SNAPC4: variants seen among roughly 807,000 people sequenced by gnomAD.
SNAPC4 encodes snRNA-activating protein complex subunit 4.
Under a neutral mutation model 151.3 loss-of-function variants are expected in SNAPC4, and 127 were observed. The observed-to-expected ratio is 0.84, with a 90% CI of 0.73 to 0.97. The LOEUF is 0.97. Among genes scored for constraint, SNAPC4 ranks in the 50% least tolerant of loss-of-function variants. SNAPC4 has a pLI of 0.00. For missense variants in SNAPC4, 2,186 were observed against 1,935.0 expected (o/e 1.13, Z -2.43); for synonymous variants, 1,002 against 824.4 (o/e 1.22, Z -3.69).
rs1229828983 is a variant in SNAPC4, at chr9:136,378,375, T to C, written c.3452A>G (p.Asp1151Gly). Residue 1151 changes from aspartate (D) to glycine (G), a missense_variant, in exon 22 of 24, where the codon GAC (aspartate) becomes GGC (glycine). Coordinates refer to ENST00000684778, the MANE Select transcript of SNAPC4 (RefSeq NM_003086.4). ...NREPEPSCRT[D>G]TPAPPTHALS... ...GGCGTGTGTGGGAGGAGCTGGGGTG[T>C]CTGTCCTGCAGGAAGGCTCCGGTTC... 7 of 1,611,212 alleles carry C rather than the reference T, an allele frequency of 4.3e-6. No individual in the cohort carries two copies. Among genetic ancestry groups the C allele is most frequent in the African/African-American group, 2.7e-5 (2 of 74,900 alleles).
Position 136,383,372 on chromosome 9 carries a change from G to A in SNAPC4, c.1797C>T (p.Ser599=), listed in dbSNP as rs1312193896. 3 of 1,601,548 alleles carry A rather than the reference G, an allele frequency of 1.9e-6. No homozygotes were observed. Among genetic ancestry groups the A allele is most frequent in the South Asian group, 1.1e-5 (1 of 89,754 alleles). The stretch of plus-strand genomic sequence containing the variant: ...GGCTGGCACTGGACCCCTTGGGAGG[G>A]CTGAGGGAGGCAGCGGGGCCTCCCA... The part of the protein sequence containing the change: ...AWLGGPAASL[S]PPKGSSASQG... The change falls in exon 16 of 24, where the codon AGC becomes AGT. Residue 599 remains serine, a synonymous_variant. Coordinates refer to ENST00000684778, the MANE Select transcript of SNAPC4 (RefSeq NM_003086.4). This position sits in a 1 kb window ranked among gnomAD's most constrained non-coding sequence, Gnocchi z 4.2.
At chr9:136,391,333 A>G (rs1477690991) in intron 10 of SNAPC4, among the ~76,000 whole-genome samples, 2 of 152,212 alleles carry the variant, frequency 1.3e-5, no homozygotes, top group Admixed American at 1.3e-4. Context: ...TCATGTTCCA[A>G]TCAAATTCAG....
rs1175003548 is a variant in SNAPC4, at chr9:136,383,062, A to T, written c.1983+124T>A. 22 of 1,402,080 alleles carry T rather than the reference A, an allele frequency of 1.6e-5. No individual in the cohort carries two copies. Among genetic ancestry groups the T allele is most frequent in the Non-Finnish European group, 1.9e-5 (20 of 1,071,752 alleles). 86.9% of individuals were successfully genotyped at this position (1,402,080 alleles called of 1,614,324 possible). On this transcript the variant is annotated intron_variant, in intron 16 of 23. Transcript: ENST00000684778. The surrounding 1 kb of genome is among the most constrained non-coding windows in gnomAD (Gnocchi z 4.2). ...GCACAGCTGTCCAGAGCTCAGCCAGAAGTAGCACGTTCTGATGCACACGAA... is the reference window on the plus strand; with the variant it reads ...GCACAGCTGTCCAGAGCTCAGCCAGTAGTAGCACGTTCTGATGCACACGAA...
In SNAPC4 at chr9:136,377,578, G is replaced by A; in HGVS notation, c.4249C>T (p.Gln1417Ter). Reference protein sequence around the residue: ...SELELADRDGQPGCTTATCPI... With the variant: ...SELELADRDG ...CATGTGGCTGTCGTGCAGCCCGGCT[G>A]CCCGTCCCTGTCTGCAAGTTCCAGC... Residue 1417 changes from glutamine (Q) to a stop codon, truncating the protein, a stop_gained, in exon 22 of 24, where the codon CAG becomes TAG. Transcript: ENST00000684778. LOFTEE classifies it high-confidence loss of function. 1 of 1,524,334 alleles carries A rather than the reference G, an allele frequency of 6.6e-7. No individual in the cohort carries two copies. The highest frequency in any genetic ancestry group is 1.4e-5 in the African/African-American group (1 of 72,310). The allele number at this position is 1,524,334 out of a possible 1,614,324, so 94.4% of individuals were successfully genotyped here. A position where few individuals can be genotyped will look rare whatever the true frequency, so the allele number is the denominator to read the frequency against.
chr9:136,391,940 AC>A lies in SNAPC4; in HGVS notation c.975+1del. On this transcript the variant is annotated splice_donor_variant, in intron 10 of 23. Transcript: ENST00000684778. LOFTEE classifies it high-confidence loss of function. ...CCCCTGGGGTCCAGGCCAGGCCCTT[AC>A]CCCCAGCTCCTCTGCAATCTTCTGC... is the stretch of plus-strand genomic sequence containing the variant. 1.2e-6 allele frequency: 2 copies of A among 1,600,804 alleles called. No individual in the cohort carries two copies. Among genetic ancestry groups the A allele is most frequent in the Non-Finnish European group, 1.7e-6 (2 of 1,179,698 alleles).
intron 20 of SNAPC4, among the ~76,000 whole-genome samples, chr9:136,380,140 G>A (rs1027792833): frequency 3.3e-5 from 5 of 152,210 alleles, no homozygotes; most frequent in African/African-American, 1.2e-4. Flanking sequence ...CTGAACCGCA[G>A]GCTGCTGCTG....
intron 7 of SNAPC4, among the ~76,000 whole-genome samples, chr9:136,393,698 C>T (rs924472001): frequency 5.9e-5 from 9 of 151,838 alleles, no homozygotes; most frequent in East Asian, 1.9e-4. Context: ...CCCCGCGCCC[C>T]GAGCCACACC....
At chr9:136,384,459 C>T (rs1424324040) in intron 14 of SNAPC4, among the ~76,000 whole-genome samples, 1 of 152,170 alleles carries the variant, frequency 6.6e-6, no homozygotes, top group Non-Finnish European at 1.5e-5. Context: ...TCTAAGGGGA[C>T]ATTGCAAATA....
rs745680545 is a variant in SNAPC4, at chr9:136,388,601, C to G, written c.976-10G>C. On this transcript the variant is annotated splice_polypyrimidine_tract_variant and intron_variant, in intron 10 of 23. Transcript: ENST00000684778. ...AGGCGCTGCGGCTGGTCTTCCCAGG[C>G]CCAAACAAAAGCAAATGAGTGTTAC... is the stretch of plus-strand genomic sequence containing the variant. 2.4e-4 allele frequency: 383 copies of G among 1,613,718 alleles called. No individual in the cohort carries two copies. Among genetic ancestry groups the G allele is most frequent in the Non-Finnish European group, 3.0e-4 (358 of 1,179,988 alleles).
Position 136,388,525 on chromosome 9 carries a change from C to T in SNAPC4, c.1042G>A (p.Glu348Lys). Reference protein sequence around the residue: ...QQHNKALKRKEWTEEEDRMLT... With the variant: ...QQHNKALKRKKWTEEEDRMLT... The stretch of plus-strand genomic sequence containing the variant: ...ATGCGGTCCTCCTCCTCTGTCCACT[C>T]CTTGCGTTTCAGAGCTTTGTTGTGC... The change falls in exon 11 of 24, where the codon GAG (glutamate) becomes AAG (lysine). Residue 348 changes from glutamate to lysine, a missense_variant. Physicochemically the swap from Glu to Lys is moderately conservative, Grantham distance 56. Coordinates refer to ENST00000684778, the MANE Select transcript of SNAPC4 (RefSeq NM_003086.4). 6.2e-7 allele frequency: 1 copy of T among 1,614,092 alleles called. No homozygotes were observed.
At chr9:136,376,305 G>A (rs1015226068) in intron 23 of SNAPC4, 44 bp downstream of exon 23, 1 of 1,605,816 alleles carries the variant, frequency 6.2e-7, no homozygotes, top group Non-Finnish European at 8.5e-7. Context: ...ACACCACTCT[G>A]TCCCCTGGGT....
In SNAPC4 at chr9:136,394,230, C is replaced by T. The variant is rs1564394168; in HGVS notation, c.632+19G>A. ...TGCCCAGCCTGAAGACCGTTTTTGACTTATGGTTTTAGACTTACTTCAGTA... is the reference window on the plus strand; with the variant it reads ...TGCCCAGCCTGAAGACCGTTTTTGATTTATGGTTTTAGACTTACTTCAGTA... On this transcript the variant is annotated intron_variant, in intron 7 of 23. Coordinates refer to ENST00000684778, the MANE Select transcript of SNAPC4 (RefSeq NM_003086.4). The T allele has an allele frequency of 1.2e-6, 2 of 1,603,412 alleles. No individual in the cohort carries two copies. The highest frequency in any genetic ancestry group is 2.2e-5 in the East Asian group (1 of 44,820).
Position 136,398,356 on chromosome 9 carries a change from AGC to A in SNAPC4, c.71_72del (p.Gly24ValfsTer18). 1 of 1,613,890 alleles carries A rather than the reference AGC, an allele frequency of 6.2e-7. No homozygotes were observed. The highest frequency in any genetic ancestry group is 8.5e-7 in the Non-Finnish European group (1 of 1,179,884). ...IKELERILDP[G>X]SSGSHVEISE... ...GAGATCTCCACGTGGGAGCCCGAGG[AGC>A]CGGGATCCAAAATCCTTTCCAGCTC... On this transcript the variant is annotated frameshift_variant, in exon 2 of 24. Transcript: ENST00000684778. LOFTEE classifies it high-confidence loss of function.
At chr9:136,376,199 G>A in intron 23 of SNAPC4, 150 bp downstream of exon 23, 1 of 854,266 alleles carries the variant, frequency 1.2e-6, no homozygotes, top group Non-Finnish European at 1.8e-6. Flanking sequence ...TCTCCCCCTG[G>A]AGGGCCTCCA....
chr9:136,381,731 C>G, intron 18 of SNAPC4, 93 bp downstream of exon 18: 2 of 1,491,460 alleles, frequency 1.3e-6, no homozygotes, highest in Non-Finnish European at 1.8e-6. Flanking sequence ...GCTGAGGCCA[C>G]TTCCCCAAGT....
intron 7 of SNAPC4, 137 bp downstream of exon 7, chr9:136,394,112 C>T: frequency 1.3e-6 from 1 of 741,266 alleles, no homozygotes; most frequent in Admixed American, 1.9e-5. Flanking sequence ...GAGATGGGGT[C>T]TCACCATGTT....
At position 136,378,424 on chromosome 9, in the gene SNAPC4, G is replaced by A; in HGVS notation, c.3403C>T (p.Gln1135Ter). 6.3e-7 allele frequency: 1 copy of A among 1,599,474 alleles called. No individual in the cohort carries two copies. Among genetic ancestry groups the A allele is most frequent in the Non-Finnish European group, 8.5e-7 (1 of 1,175,728 alleles). ...TCCCTGTTCATATTGGCTGGGGGCT[G>A]CCAAGAGCTGCTCAACGCTGGGGCC... ...PRAPALSSSWQPPANMNREPE... is the reference protein window; with the variant it reads ...PRAPALSSSW The change falls in exon 22 of 24, where the codon CAG becomes TAG. Residue 1135 changes from glutamine to a stop codon, truncating the protein, a stop_gained. Transcript: ENST00000684778. LOFTEE classifies it high-confidence loss of function.
At position 136,376,451 on chromosome 9, in the gene SNAPC4, AAGCAG is replaced by A; in HGVS notation, c.4310_4314del (p.Ser1437PhefsTer8). On this transcript the variant is annotated frameshift_variant, in exon 23 of 24. Transcript: ENST00000684778. LOFTEE classifies it high-confidence loss of function. ...TCATTAGAAGTATCCAGGCAGGAGG[AAGCAG>A]AGCATTTACCAGAGTCTGGGGCTCC... is the stretch of plus-strand genomic sequence containing the variant. The A allele has an allele frequency of 6.2e-7, 1 of 1,613,370 alleles. No homozygotes were observed. The highest frequency in any genetic ancestry group is 8.5e-7 in the Non-Finnish European group (1 of 1,179,884).
chr9:136,378,775 A>G lies in SNAPC4; in HGVS notation c.3052T>C (p.Cys1018Arg). Reference sequence around the variant, plus strand: ...GACTGTCCGAGACCACTCTCGGGGCAGCTCACAGAGATCTGGCCGGGGCCC... The same window carrying G: ...GACTGTCCGAGACCACTCTCGGGGCGGCTCACAGAGATCTGGCCGGGGCCC... ...ALGPGQISVS[C>R]PESGLGQSQA... The change falls in exon 22 of 24, where the codon TGC becomes CGC. Residue 1018 changes from cysteine (C) to arginine (R), a missense_variant. Transcript: ENST00000684778. The G allele has an allele frequency of 6.5e-7, 1 of 1,544,746 alleles. No individual in the cohort carries two copies. The highest frequency in any genetic ancestry group is 1.2e-5 in the South Asian group (1 of 80,276).
Sources: allele counts gnomAD v4.1 joint callset (sites outside exome capture counted in the v4.1 genomes callset), GRCh38; gene constraint gnomAD v4.1.1; non-coding constraint Gnocchi (gnomAD v3.1); transcripts MANE v1.5; gene names NCBI Gene and HGNC (gene_info 2026-07-23, HGNC 2026-07-21).